NLRP7: variants seen among roughly 807,000 people sequenced by gnomAD.
NLRP7 encodes NACHT, LRR and PYD domains-containing protein 7.
Under a neutral mutation model 85.5 loss-of-function variants are expected in NLRP7, and 72 were observed. The ratio of observed to expected loss-of-function variants is 0.84; its 90% CI spans 0.70 to 1.02. The LOEUF is 1.02. Among genes scored for constraint, NLRP7 ranks in the 50% least tolerant of loss-of-function variants. The probability of loss-of-function intolerance (pLI) is 0.00; values close to 1 mark genes in which losing one functional copy is unlikely to be tolerated. For synonymous variants in NLRP7, 550 were observed against 505.2 expected, an observed-to-expected ratio of 1.09 and a Z score of -1.19; for missense variants, 1,243 against 1,219.5, an observed-to-expected ratio of 1.02 and a Z score of -0.29.
At chr19:54,950,378 A>G (rs188541929), upstream of NLRP7, among the ~76,000 whole-genome samples, 9 of 152,314 alleles carry the variant, frequency 5.9e-5, no homozygotes, top group East Asian at 1.4e-3. Flanking sequence ...AAGTATAGAG[A>G]AAGAAATAAG....
At chr19:54,939,785 C>A in exon 4 of NLRP7, 1 of 1,613,988 alleles carries the variant, frequency 6.2e-7, no homozygotes, top group Non-Finnish European at 8.5e-7. Context: ...CTCAAAGGCA[C>A]GCATGGCTTG....
At chr19:54,954,545 A>AT (rs1355799312) in intron 1 of NLRP7, among the ~76,000 whole-genome samples, 3 of 150,074 alleles carry the variant, frequency 2.0e-5, no homozygotes, top group Non-Finnish European at 4.4e-5. Context: ...AAAAAAAAAA[A>AT]AAAAAAAGGG....
chr19:54,964,377 C>G (rs918245336), intron 1 of NLRP7, among the ~76,000 whole-genome samples: 1 of 150,300 alleles, frequency 6.7e-6, no homozygotes, highest in Non-Finnish European at 1.5e-5. Context: ...CCACCACGCC[C>G]GGCTAATTTT....
At chr19:54,946,689 G>C (rs1487135752) in intron 1 of NLRP7, among the ~76,000 whole-genome samples, 2 of 151,836 alleles carry the variant, frequency 1.3e-5, no homozygotes, top group East Asian at 3.9e-4. Context: ...TCCCAGGCTG[G>C]AGTGCAGTGG....
intron 9 of NLRP7, among the ~76,000 whole-genome samples, chr19:54,929,242 G>A (rs998300605): frequency 5.3e-5 from 8 of 151,994 alleles, no homozygotes; most frequent in Non-Finnish European, 1.2e-4. Context: ...GGTGGTGCAC[G>A]CCTGTAATCC....
exon 4 of NLRP7, chr19:54,939,696 G>T (rs2069125549): frequency 6.2e-7 from 1 of 1,613,454 alleles, no homozygotes; most frequent in Non-Finnish European, 8.5e-7. Context: ...TCCATCTGCA[G>T]CTTCAGAGTC....
At chr19:54,924,662 A>G (rs548015111) in intron 9 of NLRP7, among the ~76,000 whole-genome samples, 1 of 152,078 alleles carries the variant, frequency 6.6e-6, no homozygotes, top group Non-Finnish European at 1.5e-5. Flanking sequence ...AGGCTGGTGC[A>G]CGGTGACTCA....
chr19:54,955,254 G>A (rs993662939), intron 1 of NLRP7, among the ~76,000 whole-genome samples: 6 of 150,348 alleles, frequency 4.0e-5, no homozygotes, highest in Non-Finnish European at 7.4e-5. Context: ...ACTTGAACCC[G>A]GGTGGCAGAG....
intron 1 of NLRP7, among the ~76,000 whole-genome samples, chr19:54,956,220 T>G (rs1487499033): frequency 2.0e-5 from 3 of 151,070 alleles, no homozygotes; most frequent in Non-Finnish European, 4.4e-5. Context: ...AGGAAGGAAG[T>G]CAGTCAGTCT....
chr19:54,932,400 T>C (rs1287141062), intron 8 of NLRP7, among the ~76,000 whole-genome samples: 7 of 148,486 alleles, frequency 4.7e-5, no homozygotes, highest in Non-Finnish European at 1.0e-4. Context: ...TGCATTCCAG[T>C]CTGGGCGACA....
chr19:54,950,135 C>T (rs1443680979), upstream of NLRP7, among the ~76,000 whole-genome samples: 1 of 151,876 alleles, frequency 6.6e-6, no homozygotes, highest in Non-Finnish European at 1.5e-5. Flanking sequence ...TTCAGAAGAG[C>T]TTCCTGGTTG....
At chr19:54,964,174 C>G (rs1350355434) in intron 1 of NLRP7, among the ~76,000 whole-genome samples, 1 of 147,290 alleles carries the variant, frequency 6.8e-6, no homozygotes, top group East Asian at 2.1e-4. Flanking sequence ...CCACCGCGCC[C>G]GGCCAAAACC....
intron 1 of NLRP7, 135 bp downstream of exon 1, chr19:54,947,334 A>T (rs1407312664): frequency 3.6e-5 from 23 of 639,940 alleles, no homozygotes; most frequent in Non-Finnish European, 5.5e-5. Flanking sequence ...CTCAAAAAAA[A>T]AAAAATCAAA....
intron 1 of NLRP7, among the ~76,000 whole-genome samples, chr19:54,945,219 GGC>G (rs1326866679): frequency 6.7e-6 from 1 of 148,632 alleles, no homozygotes; most frequent in East Asian, 2.0e-4. Flanking sequence ...CTCCAGCCTG[GGC>G]GAGTGAGACT....
rs185031208 is a variant in NLRP7 at position 54,929,875 on chromosome 19, A to G, written c.2810+624T>C. 4.2e-3 allele frequency among the ~76,000 whole-genome samples: 631 copies of G among 151,970 alleles called. 5 individuals carry two copies. Among genetic ancestry groups the G allele is most frequent in the Non-Finnish European group, 6.4e-3 (435 of 67,960 alleles). On this transcript the variant is annotated intron_variant, in intron 9 of 9. Transcript: ENST00000340844. ...CACGCCTGTAATCCCAGCACTTTGG[A>G]AGGCCAAGGCGGGCAGATCATGAGG...
chr19:54,941,613 G>A lies in NLRP7; in HGVS notation c.99C>T (p.Pro33=), dbSNP rs145372368. 5.0e-5 allele frequency: 81 copies of A among 1,614,036 alleles called. 1 individual carries two copies. In the Middle Eastern group the frequency reaches 1.3e-3, roughly 26 times the overall value. ...GGGTCTTCTGTAGCACGTCTTCGAGGGGAAAAGCCCATAAAAGGGATTTGA... is the reference window on the plus strand; with the variant it reads ...GGGTCTTCTGTAGCACGTCTTCGAGAGGAAAAGCCCATAAAAGGGATTTGA... Residue 33 remains proline, a synonymous_variant, in exon 2 of 10, where the codon CCC becomes CCT. Coordinates refer to ENST00000340844, the Ensembl canonical transcript of NLRP7.
chr19:54,960,943 CT>C (rs1402678709), intron 1 of NLRP7, among the ~76,000 whole-genome samples: 1 of 151,884 alleles, frequency 6.6e-6, no homozygotes, highest in Non-Finnish European at 1.5e-5. Flanking sequence ...AAAAAATATT[CT>C]ATATAATTCC....
exon 10 of NLRP7, chr19:54,923,761 C>A (rs756224324): frequency 1.2e-6 from 2 of 1,613,460 alleles, no homozygotes; most frequent in Admixed American, 3.3e-5. Context: ...AGTCACAGCA[C>A]GGAGGTGCCG....
chr19:54,945,251 AAAAAG>A (rs1290453300), intron 1 of NLRP7, among the ~76,000 whole-genome samples: 34 of 149,854 alleles, frequency 2.3e-4, no homozygotes, highest in African/African-American at 4.4e-4. Flanking sequence ...AAAAAAAAAA[AAAAAG>A]AAAAGAAAAG....
Sources: gnomAD v4.1 joint callset for allele counts (sites outside exome capture counted in the v4.1 genomes callset) on GRCh38, gnomAD v4.1.1 for gene constraint, MANE v1.5 for transcripts, NCBI Gene and HGNC (gene_info 2026-07-23, HGNC 2026-07-21) for gene names.